Variants in STPG2 observed in about 807,000 individuals in gnomAD.
STPG2 encodes the protein sperm-tail PG-rich repeat-containing protein 2.
Under a neutral mutation model 54.2 loss-of-function variants are expected in STPG2, and 56 were observed. That is an observed-to-expected ratio of 1.03 (90% CI 0.83 to 1.29). The LOEUF is 1.29. Among genes scored for constraint, STPG2 ranks in the 50% most tolerant of loss-of-function variants. STPG2 has a pLI of 0.00. For synonymous variants in STPG2, 200 were observed against 181.8 expected, an observed-to-expected ratio of 1.10 and a Z score of -0.81; for missense variants, 596 against 544.9, an observed-to-expected ratio of 1.09 and a Z score of -0.93.
At chr4:97,625,880 G>C (rs1313796225) in intron 10 of STPG2, among the ~76,000 whole-genome samples, 3 of 152,168 alleles carry the variant, frequency 2.0e-5, no homozygotes, top group Non-Finnish European at 4.4e-5. Flanking sequence ...ACATCCATTA[G>C]ATACTGTTAT....
intron 8 of STPG2, among the ~76,000 whole-genome samples, chr4:97,917,821 T>C (rs1047795372): frequency 3.3e-5 from 5 of 152,156 alleles, no homozygotes; most frequent in African/African-American, 4.8e-5. Flanking sequence ...TCTCTTAGAC[T>C]ACATCCTCTA....
intron 4 of STPG2, among the ~76,000 whole-genome samples, chr4:97,531,772 G>A (rs1731419808): frequency 6.6e-6 from 1 of 152,086 alleles, no homozygotes; most frequent in Admixed American, 6.6e-5. Flanking sequence ...AAAATAGAAA[G>A]GAGTAATATG....
chr4:97,563,638 G>A (rs887535647), intron 10 of STPG2, among the ~76,000 whole-genome samples: 4 of 152,110 alleles, frequency 2.6e-5, no homozygotes, highest in Non-Finnish European at 4.4e-5. Flanking sequence ...TGTATGTTGT[G>A]TCTTTGTTTT....
At chr4:97,947,402 CT>C in intron 7 of STPG2, among the ~76,000 whole-genome samples, 1 of 152,164 alleles carries the variant, frequency 6.6e-6, no homozygotes, top group South Asian at 2.1e-4. Context: ...GTATTTCCTT[CT>C]GTTGCCTGAT....
In STPG2 at chr4:97,965,962, T is replaced by C. The variant is rs533076709; in HGVS notation, c.933+6318A>G. Among the ~76,000 whole-genome samples the C allele has an allele frequency of 2.6e-5, 4 of 152,282 alleles. No individual in the cohort carries two copies. The South Asian group carries it at 6.2e-4, about 24-fold the overall frequency. On this transcript the variant is annotated intron_variant, in intron 7 of 10. Transcript: ENST00000295268. ...CTAAAAACCAGAGTGCCTCTTCTCC[T>C]CTAAAGGATTGCAGATCCTCAACAG...
intron 4 of STPG2, among the ~76,000 whole-genome samples, chr4:97,459,815 A>G (rs1431048243): frequency 6.6e-6 from 1 of 152,040 alleles, no homozygotes; most frequent in African/African-American, 2.4e-5. Context: ...GAGTTTTGTA[A>G]AATCTATATT....
intron 10 of STPG2, among the ~76,000 whole-genome samples, chr4:97,593,616 T>C (rs1161679776): frequency 1.3e-5 from 2 of 152,092 alleles, no homozygotes; most frequent in Non-Finnish European, 2.9e-5. Flanking sequence ...GCAGAAACAC[T>C]GCAGCCCCAG....
At chr4:97,787,195 CT>C (rs946481086) in intron 9 of STPG2, among the ~76,000 whole-genome samples, 7 of 151,598 alleles carry the variant, frequency 4.6e-5, no homozygotes, top group East Asian at 1.9e-4. Context: ...ATATTTCGTA[CT>C]TTTTTTTTCT....
At chr4:97,578,527 T>A (rs1288609282) in intron 10 of STPG2, among the ~76,000 whole-genome samples, 1 of 151,902 alleles carries the variant, frequency 6.6e-6, no homozygotes, top group African/African-American at 2.4e-5. Context: ...AGAATTGAAC[T>A]GAGTTGTAGG....
intron 5 of STPG2, among the ~76,000 whole-genome samples, chr4:98,082,521 G>A (rs913860798): frequency 1.7e-4 from 21 of 120,452 alleles, no homozygotes; most frequent in African/African-American, 6.3e-4. Context: ...GCTCAATCTC[G>A]GCTCACTGCA....
In STPG2 at chr4:97,614,496, A is replaced by G. The variant is rs183148106; in HGVS notation, c.1321-55379T>C. ...GAGCTTTGGCTAACTTTCTCGAAAC[A>G]CTCTCATATTACACAGATGTTATCA... On this transcript the variant is annotated intron_variant, in intron 10 of 10. Coordinates refer to ENST00000295268, the MANE Select transcript of STPG2 (RefSeq NM_174952.3). 2.6e-3 allele frequency among the ~76,000 whole-genome samples: 388 copies of G among 152,116 alleles called. 2 individuals carry two copies. Among genetic ancestry groups the G allele is most frequent in the African/African-American group, 8.6e-3 (356 of 41,496 alleles).
intron 7 of STPG2, among the ~76,000 whole-genome samples, chr4:97,957,211 G>A (rs11725652): frequency 0.4 from 58,413 of 144,466 alleles, 11,519 homozygotes; most frequent in Middle Eastern, 0.46. Flanking sequence ...AATATTCAAT[G>A]AAATAAACAG....
intron 8 of STPG2, among the ~76,000 whole-genome samples, chr4:97,863,425 T>C (rs530880499): frequency 2.0e-5 from 3 of 152,080 alleles, no homozygotes; most frequent in African/African-American, 7.2e-5. Context: ...AATAGACCAA[T>C]AACAGGCTCT....
chr4:97,649,033 T>C (rs1298039579), intron 10 of STPG2, among the ~76,000 whole-genome samples: 1 of 152,140 alleles, frequency 6.6e-6, no homozygotes, highest in Non-Finnish European at 1.5e-5. Flanking sequence ...ACTTCTTTTT[T>C]CACTAAAAGC....
chr4:97,793,390 CA>C (rs1291271269), intron 9 of STPG2, among the ~76,000 whole-genome samples: 3 of 150,922 alleles, frequency 2.0e-5, no homozygotes, highest in African/African-American at 7.3e-5. Context: ...CACACACACA[CA>C]CACACACACA....
At chr4:97,915,165 G>C (rs1265728673) in intron 8 of STPG2, among the ~76,000 whole-genome samples, 1 of 151,920 alleles carries the variant, frequency 6.6e-6, no homozygotes, top group Non-Finnish European at 1.5e-5. Context: ...AGTTACTAAG[G>C]GTAACTCACT....
intron 9 of STPG2, among the ~76,000 whole-genome samples, chr4:97,807,268 T>C (rs1014305069): frequency 6.6e-6 from 1 of 151,906 alleles, no homozygotes; most frequent in Non-Finnish European, 1.5e-5. Flanking sequence ...AAAAAGTATA[T>C]AAATTTGTTT....
At chr4:97,514,166 G>A (rs1731029104) in intron 4 of STPG2, among the ~76,000 whole-genome samples, 1 of 152,118 alleles carries the variant, frequency 6.6e-6, no homozygotes, top group African/African-American at 2.4e-5. Context: ...TGAGGAAAGA[G>A]AGGTTGAGAG....
chr4:97,890,054 T>G (rs528307256), intron 8 of STPG2, among the ~76,000 whole-genome samples: 3 of 152,224 alleles, frequency 2.0e-5, no homozygotes, highest in African/African-American at 7.2e-5. Context: ...TTTTCCAGAT[T>G]GGTGGCATAA....
Sources: gnomAD v4.1 joint callset for allele counts (sites outside exome capture counted in the v4.1 genomes callset) on GRCh38, gnomAD v4.1.1 for gene constraint, MANE v1.5 for transcripts, NCBI Gene and HGNC (gene_info 2026-07-23, HGNC 2026-07-21) for gene names.